Variants in USP48 observed in about 807,000 individuals in gnomAD.
USP48 encodes ubiquitin specific peptidase 48.
USP48 carries 43 observed loss-of-function variants against 150.7 expected under a neutral mutation model. That is an observed-to-expected ratio of 0.29 (90% CI 0.22 to 0.37). USP48 has a LOEUF of 0.37. Among genes scored for constraint, USP48 ranks in the 10% least tolerant of loss-of-function variants. The pLI, the probability that USP48 is intolerant of heterozygous loss-of-function variation, is 1.00. For synonymous variants in USP48, 396 were observed against 425.9 expected (o/e 0.93, Z 0.86); for missense variants, 813 against 1,249.6 (o/e 0.65, Z 5.27).
chr1:21,688,715 C>T (rs1247259945), intron 24 of USP48, among the ~76,000 whole-genome samples: 3 of 151,706 alleles, frequency 2.0e-5, no homozygotes, highest in African/African-American at 7.2e-5. Context: ...TGGTGGCACA[C>T]GCCTGTAATC....
intron 9 of USP48, among the ~76,000 whole-genome samples, chr1:21,731,322 G>A (rs2097756215): frequency 6.6e-6 from 1 of 151,840 alleles, no homozygotes. Flanking sequence ...GGAGTGGAAT[G>A]GCACGATCTC....
intron 24 of USP48, among the ~76,000 whole-genome samples, chr1:21,688,867 A>C (rs4654764): frequency 0.11 from 16,288 of 146,548 alleles, 1,575 homozygotes; most frequent in East Asian, 0.26. Context: ...AAAAAAGAAG[A>C]AGCCCCTACT....
chr1:21,698,942 A>G (rs1020804948), intron 22 of USP48, among the ~76,000 whole-genome samples: 1 of 152,164 alleles, frequency 6.6e-6, no homozygotes, highest in Non-Finnish European at 1.5e-5. Flanking sequence ...CATACTACCA[A>G]GTGATAATAA....
At chr1:21,746,847 A>G (rs2097795774) in intron 8 of USP48, among the ~76,000 whole-genome samples, 1 of 152,234 alleles carries the variant, frequency 6.6e-6, no homozygotes, top group African/African-American at 2.4e-5. Context: ...AATTCTGTAC[A>G]TATCGATGAA....
At chr1:21,735,798 G>C (rs1359774201) in intron 9 of USP48, among the ~76,000 whole-genome samples, 1 of 149,350 alleles carries the variant, frequency 6.7e-6, no homozygotes, top group Non-Finnish European at 1.5e-5. Flanking sequence ...TGAGGCAGGA[G>C]AATCACTTGA....
intron 15 of USP48, 98 bp downstream of exon 15, chr1:21,715,291 G>A: frequency 1.1e-6 from 1 of 888,534 alleles, no homozygotes; most frequent in Non-Finnish European, 1.7e-6. Context: ...ATTTTTCCCA[G>A]GTAAGATGTG....
intron 1 of USP48, among the ~76,000 whole-genome samples, chr1:21,767,937 G>C (rs2097866510): frequency 6.6e-6 from 1 of 152,154 alleles, no homozygotes; most frequent in South Asian, 2.1e-4. Flanking sequence ...GTCAGGCATG[G>C]TGGCTCACGC....
intron 12 of USP48, 83 bp from the exon 13 acceptor site, chr1:21,721,847 C>A: frequency 1.0e-6 from 1 of 986,418 alleles, no homozygotes; most frequent in South Asian, 2.3e-5. Flanking sequence ...ACTTCACAAA[C>A]ACAGACACAT....
intron 6 of USP48, 33 bp from the exon 7 acceptor site, chr1:21,748,304 A>G: frequency 6.3e-7 from 1 of 1,578,662 alleles, no homozygotes; most frequent in Non-Finnish European, 8.6e-7. Flanking sequence ...AATTTTAAAA[A>G]GAAGATGGGT....
chr1:21,706,396 A>G lies in USP48; in HGVS notation c.2211+71T>C, dbSNP rs2097672693. ...GAGAAGTTCTGGGTTGTTCTGAAAT[A>G]GCTCACTGGGAATTTGGCAAGGGCT... is the stretch of plus-strand genomic sequence containing the variant. On this transcript the variant is annotated intron_variant, in intron 17 of 26. Coordinates refer to ENST00000308271, the MANE Select transcript of USP48 (RefSeq NM_032236.8). 5 of 1,602,608 alleles carry G rather than the reference A, an allele frequency of 3.1e-6. No individual in the cohort carries two copies. In the South Asian group the frequency reaches 4.4e-5, roughly 14 times the overall value.
chr1:21,765,901 C>CAAAAAAAAAAAAAAAAAAAAAAAAAAAAA (rs199539331), intron 1 of USP48, among the ~76,000 whole-genome samples: 1 of 112,162 alleles, frequency 8.9e-6, no homozygotes, highest in Admixed American at 8.8e-5. Flanking sequence ...ACTCCATCTC[C>CAAAAAAAAAAAAAAAAAAAAAAAAAAAAA]AAAAAAAAAA....
intron 25 of USP48, among the ~76,000 whole-genome samples, chr1:21,683,337 A>G (rs922538691): frequency 4.6e-5 from 7 of 152,252 alleles, no homozygotes; most frequent in African/African-American, 1.4e-4. Flanking sequence ...CATACAGTGT[A>G]TAATGATCAC....
chr1:21,750,789 G>A (rs756126607), intron 6 of USP48, among the ~76,000 whole-genome samples: 2 of 152,054 alleles, frequency 1.3e-5, no homozygotes, highest in African/African-American at 2.4e-5. Flanking sequence ...GGCTGAGGCA[G>A]GAGAATCGCT....
In USP48 at chr1:21,748,200, C is replaced by G; in HGVS notation, c.846G>C (p.Lys282Asn). 14 of 1,614,052 alleles carry G rather than the reference C, an allele frequency of 8.7e-6. No individual in the cohort carries two copies. The highest frequency in any genetic ancestry group is 1.2e-5 in the Non-Finnish European group (14 of 1,179,994). ...TGCAAGGAAGGCTAAGAAGTCGAATCTTTCTTGTTGCATTCTGTTTGCTTT... is the reference window on the plus strand; with the variant it reads ...TGCAAGGAAGGCTAAGAAGTCGAATGTTTCTTGTTGCATTCTGTTTGCTTT... ...NCQSKQNATR[K>N]IRLLSLPCTL... is the part of the protein sequence containing the mutation. The change falls in exon 7 of 27, where the codon AAG becomes AAC. Residue 282 changes from lysine to asparagine, a missense_variant. Lys to Asn is a moderately conservative substitution (Grantham distance 94). Coordinates refer to ENST00000308271, the MANE Select transcript of USP48 (RefSeq NM_032236.8).
chr1:21,694,094 C>T (rs1161530609), intron 23 of USP48, among the ~76,000 whole-genome samples: 2 of 152,120 alleles, frequency 1.3e-5, no homozygotes, highest in African/African-American at 4.8e-5. Context: ...CACTGGAATG[C>T]TTATTTATAG....
intron 23 of USP48, among the ~76,000 whole-genome samples, chr1:21,692,135 C>T (rs999231982): frequency 6.6e-6 from 1 of 152,110 alleles, no homozygotes; most frequent in Non-Finnish European, 1.5e-5. Context: ...TCCCTAACTG[C>T]TGGGACAGAA....
chr1:21,777,771 G>T (rs1351214822), intron 1 of USP48, among the ~76,000 whole-genome samples: 1 of 151,980 alleles, frequency 6.6e-6, no homozygotes, highest in African/African-American at 2.4e-5. Flanking sequence ...AAAAGCCATA[G>T]AAATTAGAAA....
intron 23 of USP48, among the ~76,000 whole-genome samples, chr1:21,690,401 G>C (rs1005259259): frequency 6.6e-6 from 1 of 152,020 alleles, no homozygotes; most frequent in African/African-American, 2.4e-5. Context: ...TGAATAAAAA[G>C]TGGGGCTGGG....
At chr1:21,769,737 CATG>C (rs1253246247) in intron 1 of USP48, among the ~76,000 whole-genome samples, 1 of 152,054 alleles carries the variant, frequency 6.6e-6, no homozygotes, top group East Asian at 1.9e-4. Flanking sequence ...ATTAGCCAAA[CATG>C]GTGGTGAGTA....
Sources: gnomAD v4.1 joint callset for allele counts (sites outside exome capture counted in the v4.1 genomes callset) on GRCh38, gnomAD v4.1.1 for gene constraint, MANE v1.5 for transcripts, NCBI Gene and HGNC (gene_info 2026-07-23, HGNC 2026-07-21) for gene names.